Variants in NELL1 observed in about 807,000 individuals in gnomAD.
NELL1 encodes neural EGFL like 1.
Under a neutral mutation model 107.4 loss-of-function variants are expected in NELL1, and 76 were observed. That is an observed-to-expected ratio of 0.71 (90% CI 0.59 to 0.86). The LOEUF (loss-of-function observed/expected upper bound fraction) is 0.86, where lower values mean the gene tolerates loss of function less well. Ranked by LOEUF, NELL1 falls within the 40% of genes least tolerant of loss-of-function variation. The pLI is 0.00. For synonymous variants in NELL1, 353 were observed against 341.2 expected (o/e 1.03, Z -0.38); for missense variants, 1,024 against 1,005.5 (o/e 1.02, Z -0.25).
intron 15 of NELL1, among the ~76,000 whole-genome samples, chr11:21,439,175 A>C (rs957123188): frequency 1.3e-5 from 2 of 152,016 alleles, no homozygotes; most frequent in African/African-American, 4.8e-5. Flanking sequence ...ACTAGACCTA[A>C]GAGTCAGAGA....
At chr11:21,273,387 G>GA (rs1848782401) in intron 14 of NELL1, among the ~76,000 whole-genome samples, 1 of 152,208 alleles carries the variant, frequency 6.6e-6, no homozygotes, top group Non-Finnish European at 1.5e-5. Flanking sequence ...AAGCCTCCAA[G>GA]AAATATGGGA....
chr11:21,168,125 T>TTTCC (rs778458872), intron 13 of NELL1, among the ~76,000 whole-genome samples: 1 of 151,918 alleles, frequency 6.6e-6, no homozygotes, highest in Admixed American at 6.5e-5. Context: ...CAATTGGTGT[T>TTTCC]TAAGTATTTG....
chr11:21,055,675 G>C (rs1199554055), intron 12 of NELL1, among the ~76,000 whole-genome samples: 2 of 152,006 alleles, frequency 1.3e-5, no homozygotes, highest in African/African-American at 2.4e-5. Context: ...ATACTGAATG[G>C]AGGGAGTACC....
At chr11:21,134,948 G>C (rs917745412) in intron 13 of NELL1, among the ~76,000 whole-genome samples, 9 of 152,248 alleles carry the variant, frequency 5.9e-5, no homozygotes, top group African/African-American at 1.9e-4. Flanking sequence ...TATAACATAG[G>C]GTGGTTTTAA....
At chr11:21,490,887 A>C (rs1854789283) in intron 15 of NELL1, among the ~76,000 whole-genome samples, 1 of 152,050 alleles carries the variant, frequency 6.6e-6, no homozygotes, top group African/African-American at 2.4e-5. Context: ...ATGTCAGTCT[A>C]AGAAAAGATT....
intron 2 of NELL1, among the ~76,000 whole-genome samples, chr11:20,697,035 G>A (rs1250578025): frequency 6.6e-6 from 1 of 152,040 alleles, no homozygotes. Flanking sequence ...ATCCAGTTAG[G>A]TTTCAGTTCA....
intron 12 of NELL1, among the ~76,000 whole-genome samples, chr11:21,088,816 A>T (rs192421710): frequency 6.6e-6 from 1 of 152,318 alleles, no homozygotes; most frequent in East Asian, 1.9e-4. Context: ...CAGAATTTTC[A>T]TCAGCATTTA....
At chr11:20,869,945 G>T (rs957026041) in intron 4 of NELL1, among the ~76,000 whole-genome samples, 1 of 152,196 alleles carries the variant, frequency 6.6e-6, no homozygotes, top group Non-Finnish European at 1.5e-5. Flanking sequence ...TTACTAAAAG[G>T]TTACCAGATT....
chr11:21,144,051 A>G (rs147432826), intron 13 of NELL1, among the ~76,000 whole-genome samples: 1 of 152,212 alleles, frequency 6.6e-6, no homozygotes, highest in Non-Finnish European at 1.5e-5. Flanking sequence ...AAGGAAAAAC[A>G]CACATAACAT....
chr11:21,338,053 T>C (rs1053659906), intron 14 of NELL1, among the ~76,000 whole-genome samples: 1 of 152,086 alleles, frequency 6.6e-6, no homozygotes, highest in African/African-American at 2.4e-5. Context: ...TGTGACAGGT[T>C]GTTTCTAAGT....
At chr11:20,684,229 A>G (rs1854254121) in intron 2 of NELL1, among the ~76,000 whole-genome samples, 1 of 151,922 alleles carries the variant, frequency 6.6e-6, no homozygotes, top group African/African-American at 2.4e-5. Flanking sequence ...CAACATAGTG[A>G]GACCCTCATC....
chr11:20,940,942 C>T (rs965602076), intron 10 of NELL1, among the ~76,000 whole-genome samples: 1 of 152,168 alleles, frequency 6.6e-6, no homozygotes, highest in South Asian at 2.1e-4. Context: ...AGTTCAAGAC[C>T]AGTCTGGACA....
chr11:20,877,148 G>C (rs188738278), intron 4 of NELL1, among the ~76,000 whole-genome samples: 1 of 152,286 alleles, frequency 6.6e-6, no homozygotes, highest in African/African-American at 2.4e-5. Context: ...ATTTCTCCAA[G>C]GAGCACCTTG....
At chr11:20,927,555 T>G in intron 8 of NELL1, 113 bp downstream of exon 8, 1 of 1,060,002 alleles carries the variant, frequency 9.4e-7, no homozygotes, top group African/African-American at 1.6e-5. Context: ...AATTGTTAGG[T>G]TTTTACCTAG....
chr11:21,290,097 C>A (rs1048610043), intron 14 of NELL1, among the ~76,000 whole-genome samples: 1 of 152,110 alleles, frequency 6.6e-6, no homozygotes, highest in Non-Finnish European at 1.5e-5. Context: ...GGGCTGGACG[C>A]GGTGGCTCAC....
In NELL1 at chr11:21,534,399, C is replaced by T. The variant is rs144658677; in HGVS notation, c.1671C>T (p.Ile557=). ...ATATTGATGAATGTTCAGAGGGAAT[C>T]ATTGAGTGCCACAACCATTCCCGCT... ...EKDIDECSEG[I]IECHNHSRCV... Residue 557 remains isoleucine, a synonymous_variant, in exon 16 of 20, where the codon ATC becomes ATT. Transcript: ENST00000357134. 210 of 1,613,872 alleles carry T rather than the reference C, an allele frequency of 1.3e-4. No homozygotes were observed. In the African/African-American group the frequency reaches 2.3e-3, roughly 18 times the overall value.
At chr11:20,902,463 A>G (rs1849897089) in intron 5 of NELL1, among the ~76,000 whole-genome samples, 1 of 152,110 alleles carries the variant, frequency 6.6e-6, no homozygotes, top group Non-Finnish European at 1.5e-5. Flanking sequence ...GTGAAAAACC[A>G]TCTGACAATG....
chr11:21,495,994 G>T (rs560935142), intron 15 of NELL1, among the ~76,000 whole-genome samples: 2 of 151,932 alleles, frequency 1.3e-5, no homozygotes, highest in Admixed American at 6.6e-5. Context: ...TTTAGAACTT[G>T]TTATTGCTTT....
intron 15 of NELL1, among the ~76,000 whole-genome samples, chr11:21,388,246 G>A (rs369639005): frequency 2.0e-5 from 3 of 151,720 alleles, no homozygotes; most frequent in East Asian, 3.9e-4. Flanking sequence ...GGGCAGTGGG[G>A]TCACAATATG....
Sources: allele counts gnomAD v4.1 joint callset (sites outside exome capture counted in the v4.1 genomes callset), GRCh38; gene constraint gnomAD v4.1.1; transcripts MANE v1.5; gene names NCBI Gene and HGNC (gene_info 2026-07-23, HGNC 2026-07-21).